Variants in MYOM1 observed in about 807,000 individuals in gnomAD.
MYOM1 encodes myomesin 1.
Under a neutral mutation model 205.3 loss-of-function variants are expected in MYOM1, and 164 were observed. The ratio of observed to expected loss-of-function variants is 0.80; its 90% CI spans 0.70 to 0.91. The LOEUF (loss-of-function observed/expected upper bound fraction) is 0.91, where lower values mean the gene tolerates loss of function less well. MYOM1 is among the 40% of genes least tolerant of loss of function. The probability of loss-of-function intolerance (pLI) is 0.00; values close to 1 mark genes in which losing one functional copy is unlikely to be tolerated. For synonymous variants in MYOM1, 772 were observed against 789.4 expected (o/e 0.98, Z 0.37); for missense variants, 2,011 against 2,127.3 (o/e 0.95, Z 1.08).
chr18:3,221,369 C>G (rs2081328259), upstream of MYOM1, among the ~76,000 whole-genome samples: 1 of 152,174 alleles, frequency 6.6e-6, no homozygotes, highest in Non-Finnish European at 1.5e-5. Context: ...TTCATCATGA[C>G]TTTCTTGATG....
chr18:3,174,218 C>A lies in MYOM1; in HGVS notation c.1023-10G>T, dbSNP rs1378368847. ...ATCTTCAAAATCACATCTGAAAGAA[C>A]AGACGGAAATGAATATCCATCGTAG... On this transcript the variant is annotated splice_polypyrimidine_tract_variant and intron_variant, in intron 6 of 37. Transcript: ENST00000356443. 5.0e-6 allele frequency: 8 copies of A among 1,609,820 alleles called. No individual in the cohort carries two copies. The Admixed American group carries it at 1.0e-4, about 20-fold the overall frequency.
At position 3,075,875 on chromosome 18, in the gene MYOM1, G is replaced by T. The variant is rs182266596; in HGVS notation, c.4649-114C>A. ...TGATCGGTCCAGACATGACTAAACCGACTTTGATTAAGACTGTGCTTATGT... is the reference window on the plus strand; with the variant it reads ...TGATCGGTCCAGACATGACTAAACCTACTTTGATTAAGACTGTGCTTATGT... On this transcript the variant is annotated intron_variant, in intron 34 of 37. Transcript: ENST00000356443. 145 of 890,994 alleles carry T rather than the reference G, an allele frequency of 1.6e-4. No individual in the cohort carries two copies. In the African/African-American group the frequency reaches 2.0e-3, roughly 12 times the overall value. 55.2% of individuals were successfully genotyped at this position (890,994 alleles called of 1,614,324 possible).
chr18:3,210,945 G>A (rs540108270), intron 2 of MYOM1, among the ~76,000 whole-genome samples: 11 of 152,280 alleles, frequency 7.2e-5, no homozygotes, highest in Non-Finnish European at 1.5e-4. Context: ...AGACTCAGTG[G>A]TATAGAGAAT....
At chr18:3,187,390 C>T in intron 5 of MYOM1, 90 bp downstream of exon 5, 2 of 1,389,894 alleles carry the variant, frequency 1.4e-6, no homozygotes, top group Non-Finnish European at 1.0e-6. Flanking sequence ...TCTTCATTGA[C>T]TCTTGCATAT....
intron 29 of MYOM1, among the ~76,000 whole-genome samples, chr18:3,088,529 T>C (rs1251935829): frequency 6.6e-6 from 1 of 152,206 alleles, no homozygotes; most frequent in Non-Finnish European, 1.5e-5. Flanking sequence ...GCCACACCTA[T>C]GCTTCCACCT....
intron 30 of MYOM1, among the ~76,000 whole-genome samples, chr18:3,085,683 T>C (rs926289483): frequency 2.6e-5 from 4 of 152,210 alleles, no homozygotes; most frequent in Non-Finnish European, 4.4e-5. Context: ...CTGTGCTCTT[T>C]TAGACAAGAA....
chr18:3,085,193 A>ATTTT, intron 30 of MYOM1, 61 bp from the exon 31 acceptor site: 10 of 503,890 alleles, frequency 2.0e-5, no homozygotes, highest in Admixed American at 4.8e-5. Context: ...GGTATCTGTG[A>ATTTT]TTTTTTTTTT....
intron 4 of MYOM1, among the ~76,000 whole-genome samples, chr18:3,188,230 T>G (rs547043742): frequency 6.6e-6 from 1 of 152,158 alleles, no homozygotes; most frequent in East Asian, 1.9e-4. Flanking sequence ...TTAAAACTAT[T>G]GTTTGCTTTC....
At chr18:3,121,448 G>A (rs1318110711) in intron 19 of MYOM1, among the ~76,000 whole-genome samples, 4 of 152,110 alleles carry the variant, frequency 2.6e-5, no homozygotes, top group East Asian at 1.9e-4. Flanking sequence ...GAATGTCAGC[G>A]GCAACAATGG....
chr18:3,243,497 A>G, the MYOM1 span, among the ~76,000 whole-genome samples: 3 of 152,352 alleles, frequency 2.0e-5, no homozygotes, highest in East Asian at 1.9e-4. Flanking sequence ...GAGAAAGCAC[A>G]GTACAGTAAA....
At chr18:3,218,429 C>A (rs926445142) in intron 1 of MYOM1, among the ~76,000 whole-genome samples, 6 of 152,210 alleles carry the variant, frequency 3.9e-5, no homozygotes, top group Non-Finnish European at 8.8e-5. Flanking sequence ...GCAAACTTCA[C>A]TCCAGAAATA....
chr18:3,092,246 G>C (rs745912159), intron 26 of MYOM1, among the ~76,000 whole-genome samples: 18 of 152,134 alleles, frequency 1.2e-4, no homozygotes, highest in Non-Finnish European at 4.4e-5. Context: ...GCCCAGGCTG[G>C]AGTGCAGTGG....
chr18:3,098,634 A>G (rs921118457), intron 25 of MYOM1, among the ~76,000 whole-genome samples: 1 of 152,186 alleles, frequency 6.6e-6, no homozygotes, highest in Non-Finnish European at 1.5e-5. Context: ...CCATTCCTGG[A>G]AAAGAAACCA....
intron 36 of MYOM1, among the ~76,000 whole-genome samples, chr18:3,074,696 T>G (rs1249265308): frequency 6.6e-6 from 1 of 152,214 alleles, no homozygotes; most frequent in African/African-American, 2.4e-5. Flanking sequence ...AAGGCCTTAT[T>G]TGGTAGCTTT....
At chr18:3,212,201 A>C (rs1159692769) in intron 2 of MYOM1, among the ~76,000 whole-genome samples, 1 of 152,206 alleles carries the variant, frequency 6.6e-6, no homozygotes, top group Non-Finnish European at 1.5e-5. Context: ...GCATGCTTCT[A>C]CCAAAAAGTT....
intron 14 of MYOM1, among the ~76,000 whole-genome samples, chr18:3,136,151 G>A (rs1349057943): frequency 1.3e-5 from 2 of 152,042 alleles, no homozygotes; most frequent in Non-Finnish European, 2.9e-5. Context: ...TGTAAGACGT[G>A]CCTTTCGCCT....
chr18:3,218,576 A>G (rs1183563767), intron 1 of MYOM1, among the ~76,000 whole-genome samples: 1 of 152,206 alleles, frequency 6.6e-6, no homozygotes, highest in Non-Finnish European at 1.5e-5. Context: ...GATAATTACC[A>G]TGTATAATTA....
chr18:3,142,761 C>T, intron 13 of MYOM1, among the ~76,000 whole-genome samples: 1 of 152,132 alleles, frequency 6.6e-6, no homozygotes, highest in Non-Finnish European at 1.5e-5. Flanking sequence ...TTTACCCTGG[C>T]TCAGATATGA....
intron 11 of MYOM1, among the ~76,000 whole-genome samples, chr18:3,154,648 C>CAT (rs1567938091): frequency 0.011 from 1,288 of 114,374 alleles, 16 homozygotes; most frequent in African/African-American, 0.043. Context: ...CACACACACA[C>CAT]ACATTTATAA....
Sources: allele counts gnomAD v4.1 joint callset (sites outside exome capture counted in the v4.1 genomes callset), GRCh38; gene constraint gnomAD v4.1.1; transcripts MANE v1.5; gene names NCBI Gene and HGNC (gene_info 2026-07-23, HGNC 2026-07-21).